The following SAMD12 variants were observed in gnomAD, a reference collection of about 807,000 sequenced individuals.
SAMD12 encodes sterile alpha motif domain-containing protein 12.
In SAMD12, 9 loss-of-function variants were observed where a neutral mutation model predicts 15.0. The ratio of observed to expected loss-of-function variants is 0.60; its 90% CI spans 0.36 to 1.05. The LOEUF is 1.05. SAMD12 is among the 50% of genes least tolerant of loss of function. The probability of loss-of-function intolerance (pLI) is 0.01; values close to 1 mark genes in which losing one functional copy is unlikely to be tolerated. For missense variants in SAMD12, 230 were observed against 234.2 expected, an observed-to-expected ratio of 0.98 and a Z score of 0.12; for synonymous variants, 86 against 90.1, an observed-to-expected ratio of 0.96 and a Z score of 0.25.
At chr8:118,191,811 TAGAGAGAGAGAGAGAGAG>T (rs1187043376) in exon 5 of SAMD12, 3 of 8,140 alleles carry the variant, frequency 3.7e-4, no homozygotes, top group Admixed American at 2.6e-3. Context: ...TATATATATA[TAGAGAGAGAGAGAGAGAG>T]AGAGAGAGAG....
chr8:118,499,524 C>A (rs1452093448), intron 2 of SAMD12, among the ~76,000 whole-genome samples: 1 of 152,168 alleles, frequency 6.6e-6, no homozygotes, highest in Non-Finnish European at 1.5e-5. Context: ...ACCTCTCCTG[C>A]CTATCTCAGA....
chr8:118,525,610 C>G (rs1053420622), intron 2 of SAMD12, among the ~76,000 whole-genome samples: 2 of 152,314 alleles, frequency 1.3e-5, no homozygotes, highest in African/African-American at 4.8e-5. Flanking sequence ...TGCCCATTCT[C>G]AGTCACTGCA....
chr8:118,551,664 A>C (rs1826339083), intron 2 of SAMD12, among the ~76,000 whole-genome samples: 1 of 151,146 alleles, frequency 6.6e-6, no homozygotes, highest in African/African-American at 2.4e-5. Flanking sequence ...GAAGGCAAGA[A>C]ATAACTAAAA....
intron 3 of SAMD12, among the ~76,000 whole-genome samples, chr8:118,405,703 G>A (rs13263743): frequency 0.12 from 18,931 of 152,074 alleles, 1,331 homozygotes; most frequent in Non-Finnish European, 0.17. Context: ...GAGGGAGAGA[G>A]AAAGGAGGGG....
chr8:118,305,343 C>T (rs1815284819), intron 4 of SAMD12, among the ~76,000 whole-genome samples: 1 of 152,026 alleles, frequency 6.6e-6, no homozygotes, highest in South Asian at 2.1e-4. Flanking sequence ...CTTCCATTTC[C>T]ATCAATTTGC....
chr8:118,188,807 T>A (rs1417574094), downstream of SAMD12, among the ~76,000 whole-genome samples: 1 of 152,140 alleles, frequency 6.6e-6, no homozygotes, highest in African/African-American at 2.4e-5. Context: ...AATGGCCCTT[T>A]AACAATACAT....
At chr8:118,456,658 G>A (rs1407493640) in intron 2 of SAMD12, among the ~76,000 whole-genome samples, 1 of 152,188 alleles carries the variant, frequency 6.6e-6, no homozygotes, top group Non-Finnish European at 1.5e-5. Flanking sequence ...AAGCCCAGGA[G>A]TGGCCTTGTG....
In SAMD12 at chr8:118,580,648, T is replaced by C. The variant is rs1827269121; in HGVS notation, c.192+67A>G. 9.6e-6 allele frequency: 11 copies of C among 1,148,594 alleles called. No individual in the cohort carries two copies. The South Asian group carries it at 1.4e-4, about 15-fold the overall frequency. 71.2% of individuals were successfully genotyped at this position (1,148,594 alleles called of 1,614,324 possible). A position where few individuals can be genotyped will look rare whatever the true frequency, so the allele number is the denominator to read the frequency against. ...TGAAAGCACTATCAGCTCTTCTCTGTAGCTGGACTACAACATATAAAGGCT... is the reference window on the plus strand; with the variant it reads ...TGAAAGCACTATCAGCTCTTCTCTGCAGCTGGACTACAACATATAAAGGCT... On this transcript the variant is annotated intron_variant, in intron 2 of 3. Coordinates refer to ENST00000314727, the MANE Select transcript of SAMD12 (RefSeq NM_207506.3).
At chr8:118,252,989 C>A (rs550204421) in intron 4 of SAMD12, among the ~76,000 whole-genome samples, 48 of 152,250 alleles carry the variant, frequency 3.2e-4, no homozygotes, top group Non-Finnish European at 4.9e-4. Context: ...GTGAGGGAGC[C>A]CACACAGAAA....
intron 2 of SAMD12, among the ~76,000 whole-genome samples, chr8:118,482,461 TA>T (rs1413074201): frequency 1.3e-5 from 2 of 150,738 alleles, no homozygotes; most frequent in African/African-American, 4.8e-5. Context: ...GGACGGGAAA[TA>T]TATATTTTTT....
the SAMD12 span, among the ~76,000 whole-genome samples, chr8:118,167,858 CA>C: frequency 6.6e-6 from 1 of 152,114 alleles, no homozygotes; most frequent in African/African-American, 2.4e-5. Flanking sequence ...TGTTCAACTA[CA>C]GGTGTGTTCT....
chr8:118,311,226 T>C (rs1210041799), intron 4 of SAMD12, among the ~76,000 whole-genome samples: 2 of 152,320 alleles, frequency 1.3e-5, no homozygotes, highest in East Asian at 3.9e-4. Flanking sequence ...CTTCCTTATA[T>C]GATAAAAGGA....
intron 4 of SAMD12, among the ~76,000 whole-genome samples, chr8:118,248,932 T>C (rs1219627196): frequency 6.6e-6 from 1 of 152,150 alleles, no homozygotes; most frequent in African/African-American, 2.4e-5. Flanking sequence ...CTAACAGTTA[T>C]TTCATTTTAT....
At chr8:118,198,934 A>G (rs549068825) in intron 4 of SAMD12, among the ~76,000 whole-genome samples, 7 of 152,306 alleles carry the variant, frequency 4.6e-5, no homozygotes, top group Non-Finnish European at 7.4e-5. Flanking sequence ...TAGGTAAACT[A>G]GAGGTTATTT....
chr8:118,212,931 G>C (rs536098199), intron 4 of SAMD12, among the ~76,000 whole-genome samples: 2 of 152,254 alleles, frequency 1.3e-5, no homozygotes, highest in East Asian at 3.9e-4. Flanking sequence ...GTAAATGAAA[G>C]AGCATATATC....
intron 4 of SAMD12, among the ~76,000 whole-genome samples, chr8:118,357,264 G>T (rs1473601697): frequency 1.3e-5 from 2 of 152,086 alleles, no homozygotes; most frequent in East Asian, 1.9e-4. Flanking sequence ...TTCAGACAGG[G>T]TCTTGCTCTG....
chr8:118,581,626 G>T (rs1827298836), intron 1 of SAMD12, among the ~76,000 whole-genome samples: 1 of 152,102 alleles, frequency 6.6e-6, no homozygotes, highest in Non-Finnish European at 1.5e-5. Context: ...AAAACCTAAA[G>T]CTGATTTTCT....
At chr8:118,545,448 C>G (rs776691889) in intron 2 of SAMD12, among the ~76,000 whole-genome samples, 1 of 152,106 alleles carries the variant, frequency 6.6e-6, no homozygotes, top group East Asian at 1.9e-4. Flanking sequence ...GCCTGGGTGA[C>G]AAGAGTGAGA....
At chr8:118,575,546 A>G (rs907685921) in intron 2 of SAMD12, among the ~76,000 whole-genome samples, 2 of 152,188 alleles carry the variant, frequency 1.3e-5, no homozygotes, top group Admixed American at 6.5e-5. Flanking sequence ...CCTCCAGATT[A>G]TTAGCCAGAA....
Sources: allele counts gnomAD v4.1 joint callset (sites outside exome capture counted in the v4.1 genomes callset), GRCh38; gene constraint gnomAD v4.1.1; transcripts MANE v1.5; gene names NCBI Gene and HGNC (gene_info 2026-07-23, HGNC 2026-07-21).